DNAH9: variants seen among roughly 807,000 people sequenced by gnomAD.
DNAH9 encodes the protein dynein axonemal heavy chain 9.
In DNAH9, 345 loss-of-function variants were observed where a neutral mutation model predicts 471.6. That is an observed-to-expected ratio of 0.73 (90% CI 0.67 to 0.80). The LOEUF (loss-of-function observed/expected upper bound fraction) is 0.80. DNAH9 is among the 30% of genes least tolerant of loss of function. DNAH9 has a pLI of 0.00. For synonymous variants in DNAH9, 2,093 were observed against 2,123.6 expected (o/e 0.99, Z 0.40); for missense variants, 5,407 against 5,609.2 (o/e 0.96, Z 1.15).
Position 11,654,851 on chromosome 17 carries a change from C to A in DNAH9, c.2595+1849C>A, listed in dbSNP as rs184234122. On this transcript the variant is annotated intron_variant, in intron 14 of 68. Coordinates refer to ENST00000262442, the MANE Select transcript of DNAH9 (RefSeq NM_001372.4). The stretch of plus-strand genomic sequence containing the variant: ...GGCTAAATTAATTGTCTGTAGCTGC[C>A]CAGTTAATAGGAAGCAGAGCTGTCT... 2.7e-3 allele frequency among the ~76,000 whole-genome samples: 412 copies of A among 151,978 alleles called. 8 individuals are homozygous for A. Among genetic ancestry groups the A allele is most frequent in the Admixed American group, 0.025 (377 of 15,258 alleles).
At chr17:11,830,764 A>C (rs1003157234) in intron 48 of DNAH9, among the ~76,000 whole-genome samples, 1 of 152,250 alleles carries the variant, frequency 6.6e-6, no homozygotes, top group African/African-American at 2.4e-5. Context: ...GAAAAGTCAA[A>C]GATAGGGCTT....
intron 10 of DNAH9, 56 bp from the exon 11 acceptor site, chr17:11,644,575 A>T: frequency 7.5e-7 from 1 of 1,325,488 alleles, no homozygotes; most frequent in Non-Finnish European, 1.1e-6. Context: ...TGTTCCTCGG[A>T]TTATTACTTT....
In DNAH9 at chr17:11,610,249, A is replaced by G. The variant is rs1454864548; in HGVS notation, c.615-147A>G. On this transcript the variant is annotated intron_variant, in intron 2 of 68. Transcript: ENST00000262442. ...ACTAGTCAACAGAGACTGTTATCCA[A>G]AAAAGTTAAGAATGCATGGGCTAGA... The G allele has an allele frequency of 3.6e-5, 22 of 618,912 alleles. 1 individual carries two copies. The highest frequency in any genetic ancestry group is 5.9e-5 in the Non-Finnish European group (22 of 373,164). 38.3% of individuals were successfully genotyped at this position (618,912 alleles called of 1,614,324 possible).
Position 11,891,830 on chromosome 17 carries a change from C to A in DNAH9, c.11166C>A (p.Ser3722Arg), listed in dbSNP as rs1362417571. The A allele has an allele frequency of 6.2e-7, 1 of 1,614,096 alleles. No homozygotes were observed. Among genetic ancestry groups the A allele is most frequent in the African/African-American group, 1.3e-5 (1 of 75,020 alleles). The change falls in exon 58 of 69, where the codon AGC becomes AGA. Residue 3722 changes from serine (S) to arginine (R), a missense_variant. Transcript: ENST00000262442. The part of the protein sequence containing the change: ...KAVERAAPDE[S>R]LRERVANLID... ...TGGAGAGGGCTGCTCCTGACGAAAG[C>A]CTCAGGGAGCGGGTGGCCAACCTAA...
At chr17:11,852,539 G>A (rs1276271398) in intron 49 of DNAH9, among the ~76,000 whole-genome samples, 1 of 151,978 alleles carries the variant, frequency 6.6e-6, no homozygotes, top group Non-Finnish European at 1.5e-5. Context: ...TGGGAGCTCA[G>A]CCCAGTACCT....
At chr17:11,822,709 C>T in intron 47 of DNAH9, 92 bp from the exon 48 acceptor site, 1 of 1,587,460 alleles carries the variant, frequency 6.3e-7, no homozygotes, top group South Asian at 1.2e-5. Context: ...TAAGTTTCCA[C>T]ATGGTGGAGG....
At chr17:11,841,533 A>T (rs1971031583) in intron 49 of DNAH9, among the ~76,000 whole-genome samples, 1 of 152,186 alleles carries the variant, frequency 6.6e-6, no homozygotes, top group African/African-American at 2.4e-5. Flanking sequence ...ACATAAGATA[A>T]TATAAACATA....
chr17:11,825,237 C>G (rs1970449503), intron 48 of DNAH9, among the ~76,000 whole-genome samples: 1 of 152,178 alleles, frequency 6.6e-6, no homozygotes, highest in Non-Finnish European at 1.5e-5. Context: ...ATCTCTGAAT[C>G]TGTAGCAAAC....
intron 51 of DNAH9, 80 bp downstream of exon 51, chr17:11,869,333 G>A: frequency 1.3e-6 from 2 of 1,549,392 alleles, no homozygotes; most frequent in Non-Finnish European, 1.7e-6. Context: ...AGATAGATGA[G>A]CACAGCACAG....
rs553818564 is a variant in DNAH9, at chr17:11,914,256, G to T, written c.11749+8447G>T. 5.3e-5 allele frequency among the ~76,000 whole-genome samples: 8 copies of T among 152,160 alleles called. No individual in the cohort carries two copies. In the East Asian group the frequency reaches 1.5e-3, roughly 29 times the overall value. ...TGCAAGTTGCCTTTTATTTATCTCA[G>T]GAGAAGAAGTAAATGCTTCACTTAT... is the stretch of plus-strand genomic sequence containing the variant. On this transcript the variant is annotated intron_variant, in intron 61 of 68. Transcript: ENST00000262442.
intron 49 of DNAH9, among the ~76,000 whole-genome samples, chr17:11,849,584 G>A (rs1381975590): frequency 6.6e-6 from 1 of 152,098 alleles, no homozygotes; most frequent in East Asian, 1.9e-4. Flanking sequence ...TCAGCAGCCT[G>A]GAACAGTCTT....
intron 48 of DNAH9, among the ~76,000 whole-genome samples, chr17:11,831,234 G>A (rs981554536): frequency 2.6e-5 from 4 of 152,140 alleles, no homozygotes; most frequent in Non-Finnish European, 4.4e-5. Flanking sequence ...CACAAAGCAT[G>A]GCACCAATGT....
At chr17:11,678,039 A>G (rs1346569641) in intron 17 of DNAH9, among the ~76,000 whole-genome samples, 3 of 151,738 alleles carry the variant, frequency 2.0e-5, no homozygotes, top group South Asian at 2.1e-4. Flanking sequence ...CCAAATGTTT[A>G]TTTATTATTT....
At chr17:11,631,971 G>A (rs2073077031) in intron 7 of DNAH9, among the ~76,000 whole-genome samples, 1 of 124,744 alleles carries the variant, frequency 8.0e-6, no homozygotes, top group Non-Finnish European at 1.6e-5. Flanking sequence ...ACACTAATTT[G>A]GACATACTAA....
chr17:11,873,488 C>T (rs1972358054), intron 52 of DNAH9: 1 of 152,156 alleles, frequency 6.6e-6, no homozygotes, highest in Non-Finnish European at 1.5e-5. Context: ...CATTTGTGCC[C>T]TTGTTAGATA....
intron 32 of DNAH9, among the ~76,000 whole-genome samples, chr17:11,751,984 A>G (rs1967172531): frequency 6.6e-6 from 1 of 152,178 alleles, no homozygotes; most frequent in African/African-American, 2.4e-5. Flanking sequence ...GGAGGAGAAA[A>G]TTCTTTTCAC....
intron 43 of DNAH9, 89 bp from the exon 44 acceptor site, chr17:11,807,643 A>G (rs2150924650): frequency 7.2e-7 from 1 of 1,397,402 alleles, no homozygotes; most frequent in Non-Finnish European, 9.8e-7. Context: ...CCTCCAAGGA[A>G]GGCCCCTGCT....
intron 32 of DNAH9, among the ~76,000 whole-genome samples, chr17:11,750,249 A>T (rs186674725): frequency 6.4e-4 from 97 of 152,270 alleles, no homozygotes; most frequent in Admixed American, 1.6e-3. Context: ...CCTAGGCAAC[A>T]TAGTTGAGAC....
chr17:11,606,281 A>G (rs1426842976), intron 1 of DNAH9, among the ~76,000 whole-genome samples: 1 of 151,988 alleles, frequency 6.6e-6, no homozygotes, highest in Non-Finnish European at 1.5e-5. Flanking sequence ...AGCCAGTCAT[A>G]TGAGTTCATA....
Sources: allele counts gnomAD v4.1 joint callset (sites outside exome capture counted in the v4.1 genomes callset), GRCh38; gene constraint gnomAD v4.1.1; transcripts MANE v1.5; gene names NCBI Gene and HGNC (gene_info 2026-07-23, HGNC 2026-07-21).